The following ETS1 variants were observed in gnomAD, a reference collection of about 807,000 sequenced individuals.
ETS1 encodes the protein protein C-ets-1.
ETS1 carries 15 observed loss-of-function variants against 58.6 expected under a neutral mutation model. The ratio of observed to expected loss-of-function variants is 0.26; its 90% confidence interval spans 0.17 to 0.39. The LOEUF is 0.39. Ranked by LOEUF, ETS1 falls within the 10% of genes least tolerant of loss-of-function variation. The pLI is 1.00. For synonymous variants in ETS1, 214 were observed against 218.2 expected, an observed-to-expected ratio of 0.98 and a Z score of 0.17; for missense variants, 417 against 610.5, an observed-to-expected ratio of 0.68 and a Z score of 3.34.
chr11:128,574,419 C>A (rs1224206680), intron 1 of ETS1, among the ~76,000 whole-genome samples: 2 of 151,980 alleles, frequency 1.3e-5, no homozygotes, highest in South Asian at 2.1e-4. Context: ...AGATTTTGTC[C>A]TTTAGTTTTT....
chr11:128,502,437 G>A (rs1863115524), intron 3 of ETS1, among the ~76,000 whole-genome samples: 2 of 152,162 alleles, frequency 1.3e-5, no homozygotes, highest in South Asian at 4.1e-4. Flanking sequence ...ACCAATCGAT[G>A]GAGGTCAACT....
chr11:128,468,013 AGCCT>A (rs1410139272), intron 8 of ETS1, among the ~76,000 whole-genome samples: 1 of 152,090 alleles, frequency 6.6e-6, no homozygotes. Flanking sequence ...TGTTCTTCTC[AGCCT>A]CTGGAGAAGA....
chr11:128,515,342 C>G (rs932185741), intron 3 of ETS1, among the ~76,000 whole-genome samples: 1 of 152,044 alleles, frequency 6.6e-6, no homozygotes, highest in African/African-American at 2.4e-5. Flanking sequence ...AAATAAATGG[C>G]TTATCACAGC....
chr11:128,514,365 C>T (rs1042811255), intron 3 of ETS1, among the ~76,000 whole-genome samples: 10 of 152,136 alleles, frequency 6.6e-5, no homozygotes, highest in Non-Finnish European at 1.2e-4. Flanking sequence ...TGGGTCCTGG[C>T]CTCCTACTTC....
At chr11:128,498,612 CA>C (rs1863005797) in intron 3 of ETS1, among the ~76,000 whole-genome samples, 1 of 152,122 alleles carries the variant, frequency 6.6e-6, no homozygotes, top group Non-Finnish European at 1.5e-5. Context: ...TGGCACAAAG[CA>C]AAAGTATAAT....
chr11:128,525,121 A>T (rs185825251), intron 3 of ETS1, among the ~76,000 whole-genome samples: 1 of 152,090 alleles, frequency 6.6e-6, no homozygotes, highest in Non-Finnish European at 1.5e-5. Flanking sequence ...ACAGAATTGT[A>T]TTTTTAAGCA....
intron 3 of ETS1, among the ~76,000 whole-genome samples, chr11:128,521,508 A>C (rs1202165269): frequency 6.6e-6 from 1 of 152,140 alleles, no homozygotes; most frequent in African/African-American, 2.4e-5. Context: ...ACCCAGCCTC[A>C]GTTCTATGGG....
chr11:128,579,293 T>C (rs1864814893), intron 1 of ETS1, among the ~76,000 whole-genome samples: 1 of 152,134 alleles, frequency 6.6e-6, no homozygotes. Context: ...TTTATCCTAA[T>C]GTCAATAATT....
At position 128,585,324 on chromosome 11, in the gene ETS1, GAAGGAAGC is replaced by G. The variant is rs1474247415; in HGVS notation, c.-15+2156_-15+2163del. Among the ~76,000 whole-genome samples, 16 of 142,602 alleles carry G rather than the reference GAAGGAAGC, an allele frequency of 1.1e-4. 1 individual carries two copies. The highest frequency in any genetic ancestry group is 2.8e-4 in the African/African-American group (11 of 39,452). 93.6% of individuals were successfully genotyped at this position (142,602 alleles called of 152,430 possible). On this transcript the variant is annotated intron_variant, in intron 1 of 9. Coordinates refer to ENST00000392668, the MANE Select transcript of ETS1 (RefSeq NM_001143820.2). Reference sequence around the variant, plus strand: ...GGAGGGAAGGGAGGGAAGAAGGAAGGAAGGAAGCAAGGAAGGAAGGAAGCAAGGAAGGA... The same window carrying G: ...GGAGGGAAGGGAGGGAAGAAGGAAGGAAGGAAGGAAGGAAGCAAGGAAGGA...
At chr11:128,533,675 C>T (rs527583673) in intron 3 of ETS1, among the ~76,000 whole-genome samples, 34 of 152,194 alleles carry the variant, frequency 2.2e-4, no homozygotes, top group Non-Finnish European at 4.0e-4. Flanking sequence ...AAATCACCTC[C>T]CCCATGGTTT....
intron 2 of ETS1, among the ~76,000 whole-genome samples, chr11:128,565,029 C>CAAATAAATAAATAAATAAAT (rs6144562): frequency 0.045 from 6,464 of 144,492 alleles, 181 homozygotes; most frequent in African/African-American, 0.075. Flanking sequence ...CACCAAATAT[C>CAAATAAATAAATAAATAAAT]AAATAAATAA....
At position 128,463,628 on chromosome 11, in the gene ETS1, C is replaced by CT. The variant is rs1374004248; in HGVS notation, c.1124-2dup. 1 of 1,522,686 alleles carries CT rather than the reference C, an allele frequency of 6.6e-7. No individual in the cohort carries two copies. The highest frequency in any genetic ancestry group is 1.7e-5 in the Admixed American group (1 of 59,928). 94.3% of individuals were successfully genotyped at this position (1,522,686 alleles called of 1,614,324 possible). On this transcript the variant is annotated splice_acceptor_variant, in intron 8 of 9. Transcript: ENST00000392668. LOFTEE classifies it high-confidence loss of function. The surrounding 1 kb of genome is among the most constrained non-coding windows in gnomAD (Gnocchi z 4.1). ...TGCCATAGCTGGATTGGTCCACTGCCTAGAAACACAAGCCATTGTGAATCA... is the reference window on the plus strand; with the variant it reads ...TGCCATAGCTGGATTGGTCCACTGCCTTAGAAACACAAGCCATTGTGAATCA...
intron 3 of ETS1, among the ~76,000 whole-genome samples, chr11:128,533,532 T>C (rs940131598): frequency 6.6e-6 from 1 of 152,236 alleles, no homozygotes; most frequent in Non-Finnish European, 1.5e-5. Context: ...CCCTGCTCTC[T>C]GACAATCCTG....
intron 3 of ETS1, among the ~76,000 whole-genome samples, chr11:128,539,142 A>G (rs1466911002): frequency 6.6e-6 from 1 of 152,250 alleles, no homozygotes; most frequent in East Asian, 1.9e-4. Context: ...GTGTTGGGCA[A>G]TAATTTCTTA....
intron 3 of ETS1, among the ~76,000 whole-genome samples, chr11:128,552,715 G>C (rs1290288654): frequency 1.1e-5 from 1 of 90,456 alleles, no homozygotes; most frequent in African/African-American, 1.1e-4. Context: ...GGCATTGATG[G>C]GATGGACGAG....
intron 3 of ETS1, among the ~76,000 whole-genome samples, chr11:128,553,124 C>G (rs1421367108): frequency 6.6e-6 from 1 of 152,064 alleles, no homozygotes; most frequent in Non-Finnish European, 1.5e-5. Context: ...AGAAGGATGA[C>G]GAGAAGCTGA....
chr11:128,518,818 T>C (rs1863590219), intron 3 of ETS1, among the ~76,000 whole-genome samples: 1 of 152,336 alleles, frequency 6.6e-6, no homozygotes, highest in South Asian at 2.1e-4. Context: ...ATGTTCCCGA[T>C]GGATGTACAC....
chr11:128,503,936 A>T (rs189271894), intron 3 of ETS1, among the ~76,000 whole-genome samples: 1 of 152,268 alleles, frequency 6.6e-6, no homozygotes, highest in East Asian at 1.9e-4. Flanking sequence ...CCAGCTAAAC[A>T]CACCAAAAAC....
rs1253879016 is a variant in ETS1 at position 128,585,177 on chromosome 11, AGAAAGAAAGAAGGAAG to A, written c.-15+2295_-15+2310del. On this transcript the variant is annotated intron_variant, in intron 1 of 9. Transcript: ENST00000392668. ...GAAAGAAAGAAAGAAAGAGAAAGAA[AGAAAGAAAGAAGGAAG>A]GAAAGAAAGAAAGAAAGAAAGAAAG... is the stretch of plus-strand genomic sequence containing the variant. 6.5e-3 allele frequency among the ~76,000 whole-genome samples: 351 copies of A among 53,852 alleles called. 25 individuals are homozygous for A. The highest frequency in any genetic ancestry group is 0.031 in the East Asian group (41 of 1,334). 35.3% of individuals were successfully genotyped at this position (53,852 alleles called of 152,430 possible).
Sources: allele counts gnomAD v4.1 joint callset (sites outside exome capture counted in the v4.1 genomes callset), GRCh38; gene constraint gnomAD v4.1.1; non-coding constraint Gnocchi (gnomAD v3.1); transcripts MANE v1.5; gene names NCBI Gene and HGNC (gene_info 2026-07-23, HGNC 2026-07-21).